Variants in WDFY3 observed in about 807,000 individuals in gnomAD.
The protein encoded by WDFY3 is WD repeat and FYVE domain containing 3.
Under a neutral mutation model 409.6 loss-of-function variants are expected in WDFY3, and 66 were observed. That is an observed-to-expected ratio of 0.16 (90% CI 0.13 to 0.20). The LOEUF is 0.20. Ranked by LOEUF, WDFY3 falls within the 10% of genes least tolerant of loss-of-function variation. WDFY3 has a pLI of 1.00. For missense variants in WDFY3, 3,031 were observed against 4,298.1 expected (o/e 0.71, Z 8.24); for synonymous variants, 1,521 against 1,537.1 (o/e 0.99, Z 0.25).
intron 3 of WDFY3, among the ~76,000 whole-genome samples, chr4:84,894,672 G>A (rs1351966857): frequency 6.6e-6 from 1 of 152,024 alleles, no homozygotes; most frequent in Non-Finnish European, 1.5e-5. Context: ...TGTATTCCCA[G>A]CTACTCAGGA....
intron 1 of WDFY3, among the ~76,000 whole-genome samples, chr4:84,954,902 C>T (rs1356790541): frequency 6.6e-6 from 1 of 152,086 alleles, no homozygotes; most frequent in Admixed American, 6.6e-5. Context: ...TTATTTGTTA[C>T]ATGTTAAGAA....
intron 58 of WDFY3, 141 bp from the exon 59 acceptor site, chr4:84,693,173 G>A: frequency 1.1e-6 from 1 of 908,690 alleles, no homozygotes; most frequent in Non-Finnish European, 1.6e-6. Context: ...TACACCCGAG[G>A]AAAGAGATTC....
intron 3 of WDFY3, among the ~76,000 whole-genome samples, chr4:84,862,348 T>A (rs919766471): frequency 2.0e-5 from 3 of 152,198 alleles, no homozygotes; most frequent in Non-Finnish European, 4.4e-5. Flanking sequence ...GAAACAGTGC[T>A]AACACATAGG....
rs1365100332 is a variant in WDFY3, at chr4:84,765,902, G to C, written c.5096C>G (p.Ser1699Cys). The change falls in exon 32 of 68, where the codon TCT (serine) becomes TGT (cysteine). Residue 1699 changes from serine (S) to cysteine (C), a missense_variant. Transcript: ENST00000295888. ...TCCTTCTTTAAACTTGATGAGAATA[G>C]ACTGATTACTTAGTAGGACAACAAG... is the stretch of plus-strand genomic sequence containing the variant. ...RILVVLLSNQ[S>C]ILIKFKEGLS... 3.1e-6 allele frequency: 5 copies of C among 1,613,760 alleles called. No homozygotes were observed. The highest frequency in any genetic ancestry group is 1.1e-5 in the South Asian group (1 of 91,060).
At chr4:84,696,218 C>T (rs938040811) in intron 57 of WDFY3, 36 bp from the exon 58 acceptor site, 8 of 1,595,192 alleles carry the variant, frequency 5.0e-6, no homozygotes, top group Admixed American at 3.4e-5. Context: ...CACTGGCTGA[C>T]TTCTATTACT....
Position 84,672,709 on chromosome 4 carries a change from A to G in WDFY3, c.*159T>C. On this transcript the variant is annotated 3_prime_UTR_variant, in exon 68 of 68. Coordinates refer to ENST00000295888, the MANE Select transcript of WDFY3 (RefSeq NM_014991.6). Reference sequence around the variant, plus strand: ...CGCGTCTGCCCCATTCCTGTACTCTACACCCGTTTTATTCAATGATCCCTT... The same window carrying G: ...CGCGTCTGCCCCATTCCTGTACTCTGCACCCGTTTTATTCAATGATCCCTT... The G allele has an allele frequency of 9.4e-7, 1 of 1,059,792 alleles. No homozygotes were observed. The highest frequency in any genetic ancestry group is 2.3e-5 in the Admixed American group (1 of 42,854). The allele number at this position is 1,059,792 out of a possible 1,614,324, so 65.6% of individuals were successfully genotyped here.
intron 44 of WDFY3, among the ~76,000 whole-genome samples, chr4:84,731,185 G>A (rs1003733970): frequency 1.3e-5 from 2 of 152,104 alleles, no homozygotes; most frequent in Non-Finnish European, 2.9e-5. Context: ...TGTGGGCCTC[G>A]GATTGGACAA....
At position 84,772,820 on chromosome 4, in the gene WDFY3, C is replaced by A; in HGVS notation, c.4849+15G>T. The A allele has an allele frequency of 1.9e-6, 3 of 1,601,454 alleles. No homozygotes were observed. Among genetic ancestry groups the A allele is most frequent in the Non-Finnish European group, 1.7e-6 (2 of 1,173,032 alleles). On this transcript the variant is annotated intron_variant, in intron 30 of 67. Transcript: ENST00000295888. ...AGTTGACCACTATCTTCTCCAAGCT[C>A]CAGAATCAACTTACCAGTGTCAAGC... is the stretch of plus-strand genomic sequence containing the variant.
intron 47 of WDFY3, among the ~76,000 whole-genome samples, chr4:84,719,199 G>A (rs1734444295): frequency 6.6e-6 from 1 of 152,110 alleles, no homozygotes; most frequent in South Asian, 2.1e-4. Context: ...CATACCCCCT[G>A]GAAATGGAAC....
Position 84,794,957 on chromosome 4 carries a change from C to T in WDFY3, c.3190G>A (p.Ala1064Thr). ...TTATTTGTAGGAGCATTATGAGGGGCCAAACTGGGCAAAAAAAGACATCTA... is the reference window on the plus strand; with the variant it reads ...TTATTTGTAGGAGCATTATGAGGGGTCAAACTGGGCAAAAAAAGACATCTA... ...GFGCLFLPSL[A>T]PHNAPTNNTV... The change falls in exon 20 of 68, where the codon GCC becomes ACC. Residue 1064 changes from alanine to threonine, a missense_variant. Transcript: ENST00000295888. 1.3e-6 allele frequency: 2 copies of T among 1,560,438 alleles called. No homozygotes were observed. Among genetic ancestry groups the T allele is most frequent in the Admixed American group, 2.0e-5 (1 of 50,048 alleles).
chr4:84,933,380 CCT>C (rs1261689062), intron 1 of WDFY3, among the ~76,000 whole-genome samples: 1 of 151,680 alleles, frequency 6.6e-6, no homozygotes, highest in Non-Finnish European at 1.5e-5. Context: ...GAGAAAAATC[CCT>C]CTTTTTAATT....
At chr4:84,896,171 G>A (rs928841648) in intron 3 of WDFY3, among the ~76,000 whole-genome samples, 13 of 151,950 alleles carry the variant, frequency 8.6e-5, no homozygotes, top group Admixed American at 4.6e-4. Context: ...CAGGAGAATC[G>A]CTTGAACCGG....
rs1050103434 is a variant in WDFY3 at position 84,951,160 on chromosome 4, A to T, written c.-226+15049T>A. On this transcript the variant is annotated intron_variant, in intron 1 of 67. Coordinates refer to ENST00000295888, the MANE Select transcript of WDFY3 (RefSeq NM_014991.6). ...ACAGGATGCTTAATATTTATCTTTT[A>T]AAAGTCCATTTTATTACTTGTTTAT... 3.5e-4 allele frequency among the ~76,000 whole-genome samples: 53 copies of T among 152,232 alleles called. 1 individual carries two copies. The highest frequency in any genetic ancestry group is 5.7e-4 in the Non-Finnish European group (39 of 68,040).
chr4:84,841,725 A>C (rs1757379777), intron 5 of WDFY3, among the ~76,000 whole-genome samples: 1 of 152,218 alleles, frequency 6.6e-6, no homozygotes, highest in Non-Finnish European at 1.5e-5. Context: ...GTGCAGTCTA[A>C]TACCAACAGT....
rs1001344881 is a variant in WDFY3 at position 84,933,997 on chromosome 4, T to C, written c.-225-1634A>G. ...GCTCATAAATATGGGAGTGTAGATA[T>C]CTCTTTGATACACTGATTTCCTTTC... On this transcript the variant is annotated intron_variant, in intron 1 of 67. Coordinates refer to ENST00000295888, the MANE Select transcript of WDFY3 (RefSeq NM_014991.6). Among the ~76,000 whole-genome samples, 9 of 152,240 alleles carry C rather than the reference T, an allele frequency of 5.9e-5. No homozygotes were observed. The East Asian group carries it at 1.7e-3, about 29-fold the overall frequency.
rs148267640 is a variant in WDFY3, at chr4:84,939,439, G to A, written c.-225-7076C>T. On this transcript the variant is annotated intron_variant, in intron 1 of 67. Coordinates refer to ENST00000295888, the MANE Select transcript of WDFY3 (RefSeq NM_014991.6). ...TGCTTTAAGACATCGAAAATATCCT[G>A]CTTCTCATCAAAATTTCTCCCTCAT... is the stretch of plus-strand genomic sequence containing the variant. 6.7e-3 allele frequency among the ~76,000 whole-genome samples: 1,017 copies of A among 152,138 alleles called. 11 individuals are homozygous for A. The highest frequency in any genetic ancestry group is 0.044 in the South Asian group (212 of 4,824).
chr4:84,880,645 T>TAAAAGTGTTTGTCA (rs1763358284), intron 3 of WDFY3, among the ~76,000 whole-genome samples: 1 of 118,298 alleles, frequency 8.5e-6, no homozygotes, highest in East Asian at 2.6e-4. Flanking sequence ...CTGAAAATAA[T>TAAAAGTGTTTGTCA]AAAAGTGTTT....
At chr4:84,738,895 A>T in intron 40 of WDFY3, 115 bp downstream of exon 40, 1 of 968,750 alleles carries the variant, frequency 1.0e-6, no homozygotes, top group Non-Finnish European at 1.6e-6. Flanking sequence ...AGGTTGCCCT[A>T]CTGGGAGAGT....
chr4:84,774,900 T>A lies in WDFY3; in HGVS notation c.4674A>T (p.Leu1558Phe). The A allele has an allele frequency of 6.2e-7, 1 of 1,614,032 alleles. No individual in the cohort carries two copies. The change falls in exon 29 of 68, where the codon TTA becomes TTT. Residue 1558 changes from leucine (L) to phenylalanine (F), a missense_variant. Coordinates refer to ENST00000295888, the MANE Select transcript of WDFY3 (RefSeq NM_014991.6). ...TAATAGCAGCAATAGTAGGCTGGGA[T>A]AAAGACATATCTCGAAGAGTCAGGA... is the stretch of plus-strand genomic sequence containing the variant. ...KLLLTLRDMS[L>F]SQPTIAAISN... is the part of the protein sequence containing the mutation.
Sources: allele counts gnomAD v4.1 joint callset (sites outside exome capture counted in the v4.1 genomes callset), GRCh38; gene constraint gnomAD v4.1.1; transcripts MANE v1.5; gene names NCBI Gene and HGNC (gene_info 2026-07-23, HGNC 2026-07-21).